The following RABGAP1L variants were observed in gnomAD, a reference collection of about 807,000 sequenced individuals.
RABGAP1L encodes rab GTPase-activating protein 1-like.
In RABGAP1L, 63 loss-of-function variants were observed where a neutral mutation model predicts 137.7. The observed-to-expected ratio is 0.46, with a 90% CI of 0.37 to 0.56. The LOEUF (loss-of-function observed/expected upper bound fraction) is 0.56, where lower values mean the gene tolerates loss of function less well. Ranked by LOEUF, RABGAP1L falls within the 20% of genes least tolerant of loss-of-function variation. The probability of loss-of-function intolerance (pLI) is 0.00; values close to 1 mark genes in which losing one functional copy is unlikely to be tolerated. For synonymous variants in RABGAP1L, 431 were observed against 433.7 expected, an observed-to-expected ratio of 0.99 and a Z score of 0.08; for missense variants, 1,095 against 1,244.0, an observed-to-expected ratio of 0.88 and a Z score of 1.80.
intron 13 of RABGAP1L, among the ~76,000 whole-genome samples, chr1:174,505,445 A>G (rs536010304): frequency 5.3e-5 from 8 of 151,226 alleles, no homozygotes; most frequent in Middle Eastern, 6.9e-3. Context: ...AATCTAGCAA[A>G]CACATGGGCA....
chr1:174,575,286 A>G (rs1232390176), intron 13 of RABGAP1L, among the ~76,000 whole-genome samples: 1 of 152,142 alleles, frequency 6.6e-6, no homozygotes, highest in Non-Finnish European at 1.5e-5. Context: ...CCTGGATAAT[A>G]TATTTGGTAA....
chr1:174,173,426 G>A (rs980216086), intron 1 of RABGAP1L, among the ~76,000 whole-genome samples: 3 of 152,080 alleles, frequency 2.0e-5, no homozygotes, highest in Non-Finnish European at 4.4e-5. Context: ...CACAGCACCC[G>A]GCTGTTAAAA....
At chr1:174,300,191 C>G (rs1297396206) in intron 10 of RABGAP1L, among the ~76,000 whole-genome samples, 1 of 152,186 alleles carries the variant, frequency 6.6e-6, no homozygotes, top group Non-Finnish European at 1.5e-5. Context: ...CTGTTTACCT[C>G]TCTTTTTCTG....
chr1:174,440,266 C>T (rs916943709), intron 13 of RABGAP1L, among the ~76,000 whole-genome samples: 2 of 152,104 alleles, frequency 1.3e-5, no homozygotes, highest in African/African-American at 4.8e-5. Flanking sequence ...CAATGTAAAA[C>T]CAGTGAAGTA....
intron 19 of RABGAP1L, among the ~76,000 whole-genome samples, chr1:174,849,471 A>T (rs1231181399): frequency 6.6e-6 from 1 of 152,192 alleles, no homozygotes. Flanking sequence ...ACATGTACAT[A>T]TAAAATATGC....
intron 11 of RABGAP1L, among the ~76,000 whole-genome samples, chr1:174,370,463 CTTT>C (rs1183875194): frequency 9.2e-4 from 35 of 37,872 alleles, no homozygotes; most frequent in Non-Finnish European, 9.5e-4. Context: ...TTAAAAATAC[CTTT>C]TTTTTTTTTT....
At chr1:174,946,920 ATAT>A (rs1558267400) in intron 19 of RABGAP1L, among the ~76,000 whole-genome samples, 250 of 23,528 alleles carry the variant, frequency 0.011, 5 homozygotes, top group African/African-American at 0.026. Flanking sequence ...AAAAAAAAAT[ATAT>A]ATATATATAT....
intron 19 of RABGAP1L, among the ~76,000 whole-genome samples, chr1:174,815,770 A>G (rs1312795111): frequency 1.3e-5 from 2 of 152,254 alleles, no homozygotes; most frequent in African/African-American, 2.4e-5. Context: ...AATAGCTTCT[A>G]AACTGGTAAT....
Position 174,676,847 on chromosome 1 carries a change from T to TCCTC in RABGAP1L, c.1825-6674_1825-6671dup, listed in dbSNP as rs550034477. Reference sequence around the variant, plus strand: ...AAAATAGAATTTTTCCTTCCTTCCTTCCTCTTTCCTCTCATAATTTGAACA... The same window carrying TCCTC: ...AAAATAGAATTTTTCCTTCCTTCCTTCCTCCCTCTTTCCTCTCATAATTTGAACA... On this transcript the variant is annotated intron_variant, in intron 14 of 25. Coordinates refer to ENST00000681986, the MANE Select transcript of RABGAP1L (RefSeq NM_001366446.1). 2.8e-4 allele frequency among the ~76,000 whole-genome samples: 42 copies of TCCTC among 152,250 alleles called. 3 individuals are homozygous for TCCTC. The East Asian group carries it at 3.7e-3, about 13-fold the overall frequency.
chr1:174,451,667 CTGTACCT>C (rs1410575726), intron 13 of RABGAP1L, among the ~76,000 whole-genome samples: 2 of 152,164 alleles, frequency 1.3e-5, no homozygotes, highest in Non-Finnish European at 2.9e-5. Flanking sequence ...GTACCTCTGT[CTGTACCT>C]TTTCCCTACA....
chr1:174,289,758 G>A (rs1676406734), intron 10 of RABGAP1L, among the ~76,000 whole-genome samples: 1 of 152,170 alleles, frequency 6.6e-6, no homozygotes, highest in African/African-American at 2.4e-5. Context: ...AGGTTGGGTG[G>A]AGCTCTCTTG....
chr1:174,354,392 G>A (rs1683442850), intron 11 of RABGAP1L, among the ~76,000 whole-genome samples: 1 of 151,950 alleles, frequency 6.6e-6, no homozygotes, highest in Admixed American at 6.5e-5. Flanking sequence ...ATAAGAAGCT[G>A]TTCTTTGAAT....
At chr1:174,403,208 AGTGTGTGTGTGT>A (rs201238291) in intron 13 of RABGAP1L, among the ~76,000 whole-genome samples, 17 of 126,728 alleles carry the variant, frequency 1.3e-4, no homozygotes, top group South Asian at 2.6e-4. Flanking sequence ...TATATATGAG[AGTGTGTGTGTGT>A]GTGTGTGTGT....
intron 19 of RABGAP1L, among the ~76,000 whole-genome samples, chr1:174,887,771 C>T (rs1303154557): frequency 7.9e-5 from 12 of 152,226 alleles, no homozygotes; most frequent in Admixed American, 5.9e-4. Context: ...TGCGGAGGCT[C>T]ACACTGTAAT....
intron 13 of RABGAP1L, among the ~76,000 whole-genome samples, chr1:174,578,541 C>T (rs932662825): frequency 1.1e-4 from 17 of 151,902 alleles, no homozygotes; most frequent in Admixed American, 9.8e-4. Flanking sequence ...TTCAGAAAGA[C>T]CATTACTTAC....
intron 13 of RABGAP1L, among the ~76,000 whole-genome samples, chr1:174,437,983 A>T (rs1375918864): frequency 1.3e-5 from 2 of 152,200 alleles, no homozygotes; most frequent in African/African-American, 4.8e-5. Flanking sequence ...TTCATAAGTG[A>T]AGGAGAAATA....
intron 19 of RABGAP1L, among the ~76,000 whole-genome samples, chr1:174,954,534 A>T (rs1668224616): frequency 1.3e-5 from 2 of 152,200 alleles, no homozygotes; most frequent in Admixed American, 1.3e-4. Flanking sequence ...TGTAAAAAAA[A>T]ATTGATAATA....
chr1:174,162,945 A>T (rs943194073), intron 1 of RABGAP1L, among the ~76,000 whole-genome samples: 3 of 62,516 alleles, frequency 4.8e-5, no homozygotes, highest in Non-Finnish European at 8.7e-5. Flanking sequence ...TGTGGTGGGG[A>T]GGGGGGAGGG....
rs965512261 is a variant in RABGAP1L at position 174,478,095 on chromosome 1, T to G, written c.1710+83950T>G. Among the ~76,000 whole-genome samples, 11 of 152,120 alleles carry G rather than the reference T, an allele frequency of 7.2e-5. No homozygotes were observed. In the East Asian group the frequency reaches 1.5e-3, roughly 21 times the overall value. ...GCATATTTTGTCAAAGAATAATATTTATCTAGTATATGCATATTACCTTCT... is the reference window on the plus strand; with the variant it reads ...GCATATTTTGTCAAAGAATAATATTGATCTAGTATATGCATATTACCTTCT... On this transcript the variant is annotated intron_variant, in intron 13 of 25. Transcript: ENST00000681986.
Sources: gnomAD v4.1 joint callset for allele counts (sites outside exome capture counted in the v4.1 genomes callset) on GRCh38, gnomAD v4.1.1 for gene constraint, MANE v1.5 for transcripts, NCBI Gene and HGNC (gene_info 2026-07-23, HGNC 2026-07-21) for gene names.